GRM7: variants seen among roughly 807,000 people sequenced by gnomAD.
GRM7 encodes metabotropic glutamate receptor 7.
Under a neutral mutation model 84.5 loss-of-function variants are expected in GRM7, and 35 were observed. The observed-to-expected ratio is 0.41, with a 90% CI of 0.32 to 0.55. GRM7 has a LOEUF of 0.55. Ranked by LOEUF, GRM7 falls within the 20% of genes least tolerant of loss-of-function variation. The probability of loss-of-function intolerance (pLI) is 0.19; values close to 1 mark genes in which losing one functional copy is unlikely to be tolerated. For synonymous variants in GRM7, 487 were observed against 455.1 expected (o/e 1.07, Z -0.89); for missense variants, 1,003 against 1,194.6 (o/e 0.84, Z 2.36).
intron 1 of GRM7, among the ~76,000 whole-genome samples, chr3:6,966,488 A>G (rs1439766337): frequency 6.6e-6 from 1 of 152,230 alleles, no homozygotes; most frequent in South Asian, 2.1e-4. Context: ...ATATTCTTAG[A>G]GAGCAGAAAC....
At chr3:6,917,528 AT>A (rs1423891188) in intron 1 of GRM7, among the ~76,000 whole-genome samples, 8 of 139,388 alleles carry the variant, frequency 5.7e-5, no homozygotes, top group Non-Finnish European at 1.2e-4. Context: ...GAGAAGATGG[AT>A]GTTTGTAATA....
At chr3:7,052,745 C>T in intron 1 of GRM7, among the ~76,000 whole-genome samples, 1 of 112,346 alleles carries the variant, frequency 8.9e-6, no homozygotes, top group South Asian at 2.6e-4. Context: ...TTTGCATTGC[C>T]AGGTAGTATT....
At position 7,196,780 on chromosome 3, in the gene GRM7, C is replaced by T. The variant is rs532871240; in HGVS notation, c.736+50112C>T. ...GGCATATTTATAATTTCAAATTTGT[C>T]TTCTGTCTTTATTAGTTTAATATCC... is the stretch of plus-strand genomic sequence containing the variant. On this transcript the variant is annotated intron_variant, in intron 2 of 9. Transcript: ENST00000357716. Among the ~76,000 whole-genome samples, 6 of 152,190 alleles carry T rather than the reference C, an allele frequency of 3.9e-5. No individual in the cohort carries two copies. In the South Asian group the frequency reaches 1.2e-3, roughly 32 times the overall value.
intron 7 of GRM7, chr3:7,559,099 T>C (rs1419159642): frequency 6.6e-6 from 1 of 151,440 alleles, no homozygotes; most frequent in East Asian, 1.9e-4. Context: ...GATTGGAGAG[T>C]GCATTTCAAC....
chr3:7,726,002 G>A (rs1203621131), intron 9 of GRM7, among the ~76,000 whole-genome samples: 1 of 152,102 alleles, frequency 6.6e-6, no homozygotes, highest in African/African-American at 2.4e-5. Flanking sequence ...CATAAGGTAG[G>A]TACACATTGT....
At chr3:7,724,429 T>C (rs1702053688) in intron 9 of GRM7, among the ~76,000 whole-genome samples, 1 of 152,212 alleles carries the variant, frequency 6.6e-6, no homozygotes, top group Non-Finnish European at 1.5e-5. Context: ...CCCTTTTCTA[T>C]TTCCCACATT....
chr3:7,591,927 G>C (rs1175234528), intron 8 of GRM7, among the ~76,000 whole-genome samples: 1 of 152,032 alleles, frequency 6.6e-6, no homozygotes. Flanking sequence ...TCTGGGATAC[G>C]GACAATAAAA....
At chr3:6,866,132 C>A (rs1042286858) in intron 1 of GRM7, among the ~76,000 whole-genome samples, 8 of 152,064 alleles carry the variant, frequency 5.3e-5, no homozygotes, top group African/African-American at 1.9e-4. Flanking sequence ...ATAATTGAAA[C>A]AATGAATGCA....
chr3:7,233,357 A>T (rs1203114046), intron 2 of GRM7, among the ~76,000 whole-genome samples: 3 of 152,134 alleles, frequency 2.0e-5, no homozygotes, highest in African/African-American at 7.2e-5. Context: ...CATTTCGCTG[A>T]TTAAATATCA....
At chr3:7,323,493 C>T (rs1265492557) in intron 4 of GRM7, among the ~76,000 whole-genome samples, 3 of 152,114 alleles carry the variant, frequency 2.0e-5, no homozygotes, top group Non-Finnish European at 2.9e-5. Flanking sequence ...TGCTGCTTAT[C>T]GTTCAACATG....
chr3:7,276,789 T>TCCCTCCCTCCCTCCCTCCCTCCCTC (rs1553641233), intron 2 of GRM7, among the ~76,000 whole-genome samples: 3 of 3,526 alleles, frequency 8.5e-4, no homozygotes, highest in Non-Finnish European at 1.8e-3. Context: ...CTTCCTTCCT[T>TCCCTCCCTCCCTCCCTCCCTCCCTC]CCTTCCTTCC....
At chr3:7,717,256 T>G (rs542461349) in intron 9 of GRM7, among the ~76,000 whole-genome samples, 14 of 152,296 alleles carry the variant, frequency 9.2e-5, no homozygotes, top group African/African-American at 3.4e-4. Flanking sequence ...CAGAAAAGAC[T>G]TCCAAAACTT....
At chr3:7,250,983 AG>A (rs1452411779) in intron 2 of GRM7, among the ~76,000 whole-genome samples, 1 of 152,188 alleles carries the variant, frequency 6.6e-6, no homozygotes, top group Admixed American at 6.5e-5. Context: ...GCTTAAGGAA[AG>A]GAAGGATGGA....
At chr3:6,893,087 A>G (rs1298915070) in intron 1 of GRM7, 2 of 152,100 alleles carry the variant, frequency 1.3e-5, no homozygotes, top group African/African-American at 4.8e-5. Context: ...CCATTTTTTA[A>G]TCTCCACTAT....
chr3:6,954,621 A>T (rs1213936345), intron 1 of GRM7, among the ~76,000 whole-genome samples: 1 of 152,210 alleles, frequency 6.6e-6, no homozygotes, highest in Non-Finnish European at 1.5e-5. Flanking sequence ...ACTATTGATT[A>T]CTTACTAGCC....
At chr3:7,651,422 A>ATTAT (rs1698933258) in intron 8 of GRM7, among the ~76,000 whole-genome samples, 1 of 152,218 alleles carries the variant, frequency 6.6e-6, no homozygotes, top group African/African-American at 2.4e-5. Flanking sequence ...GAATAAGATG[A>ATTAT]TTATTTATAG....
intron 1 of GRM7, among the ~76,000 whole-genome samples, chr3:7,020,958 T>C (rs1023988157): frequency 1.3e-5 from 2 of 152,182 alleles, no homozygotes; most frequent in African/African-American, 4.8e-5. Context: ...TGACTATGAC[T>C]GTAGATAGGG....
chr3:6,902,178 G>T (rs759078589), intron 1 of GRM7, among the ~76,000 whole-genome samples: 2 of 152,082 alleles, frequency 1.3e-5, no homozygotes, highest in South Asian at 4.2e-4. Context: ...AATGTCTACC[G>T]TGAAGCACAT....
rs1190323380 is a variant in GRM7 at position 7,740,743 on chromosome 3, T to C, written c.*337T>C. 2 of 218,916 alleles carry C rather than the reference T, an allele frequency of 9.1e-6. No individual in the cohort carries two copies. The highest frequency in any genetic ancestry group is 4.6e-5 in the African/African-American group (2 of 43,950). 13.6% of individuals were successfully genotyped at this position (218,916 alleles called of 1,614,324 possible). ...ACCGTTTTGGGGCTGACCTGTCTTA[T>C]TACGTATGTACTTCTAGGTTGCAAG... is the stretch of plus-strand genomic sequence containing the variant. On this transcript the variant is annotated 3_prime_UTR_variant, in exon 10 of 10. Transcript: ENST00000357716.
Sources: allele counts gnomAD v4.1 joint callset (sites outside exome capture counted in the v4.1 genomes callset), GRCh38; gene constraint gnomAD v4.1.1; transcripts MANE v1.5; gene names NCBI Gene and HGNC (gene_info 2026-07-23, HGNC 2026-07-21).